MRPL42: variants seen among roughly 807,000 people sequenced by gnomAD.
MRPL42 encodes the protein mitochondrial ribosomal protein L42.
A neutral mutation model predicts 17.9 loss-of-function variants in MRPL42; 17 were observed. The observed-to-expected ratio is 0.95, with a 90% CI of 0.65 to 1.42. MRPL42 has a LOEUF of 1.42. MRPL42 is among the 40% of genes most tolerant of loss of function. The pLI is 0.00. For synonymous variants in MRPL42, 59 were observed against 54.4 expected (o/e 1.08, Z -0.37); for missense variants, 177 against 175.2 (o/e 1.01, Z -0.06).
intron 5 of MRPL42, among the ~76,000 whole-genome samples, chr12:93,499,876 T>C (rs1953559160): frequency 6.6e-6 from 1 of 152,184 alleles, no homozygotes; most frequent in South Asian, 2.1e-4. Flanking sequence ...GGTACATGTC[T>C]TACCATTTAT....
In MRPL42 at chr12:93,483,040, A is replaced by C. The variant is rs1417547562; in HGVS notation, c.219+3568A>C. On this transcript the variant is annotated intron_variant, in intron 4 of 5. Coordinates refer to ENST00000549982, the MANE Select transcript of MRPL42 (RefSeq NM_014050.4). ...CACCCAAATAGCTGGGATTACAGGC[A>C]CTCGTGACCACGCCTGGCTAATTTT... 2.0e-5 allele frequency among the ~76,000 whole-genome samples: 3 copies of C among 152,018 alleles called. No individual in the cohort carries two copies. In the South Asian group the frequency reaches 6.2e-4, roughly 32 times the overall value.
chr12:93,491,497 A>G (rs1306671706), intron 5 of MRPL42, among the ~76,000 whole-genome samples: 1 of 152,174 alleles, frequency 6.6e-6, no homozygotes, highest in African/African-American at 2.4e-5. Context: ...CCAAAGTGCT[A>G]TATGAGCTAT....
chr12:93,476,824 C>T (rs1880204924), intron 2 of MRPL42, 130 bp from the exon 3 acceptor site: 1 of 783,626 alleles, frequency 1.3e-6, no homozygotes, highest in African/African-American at 1.8e-5. Context: ...TGTTGAATCC[C>T]TAGCCCCTAG....
At chr12:93,495,111 T>A (rs558232692) in intron 5 of MRPL42, among the ~76,000 whole-genome samples, 1 of 152,302 alleles carries the variant, frequency 6.6e-6, no homozygotes, top group Admixed American at 6.5e-5. Flanking sequence ...AACAGGAACC[T>A]CTCTTGCTTT....
rs1479710716 is a variant in MRPL42, at chr12:93,502,799, T to G, written c.*1578T>G. On this transcript the variant is annotated 3_prime_UTR_variant, in exon 6 of 6. Transcript: ENST00000549982. ...AAATATGATTATGAAGATTTTCTTC[T>G]CTTCCGAGTACAAAGCTCTGCTAAA... The G allele has an allele frequency of 1.3e-5, 2 of 152,224 alleles. No individual in the cohort carries two copies. The highest frequency in any genetic ancestry group is 2.9e-5 in the Non-Finnish European group (2 of 68,040). The allele number at this position is 152,224 out of a possible 1,614,324, so 9.4% of individuals were successfully genotyped here.
At chr12:93,470,515 G>T in intron 2 of MRPL42, 1 of 1,289,902 alleles carries the variant, frequency 7.8e-7, no homozygotes. Context: ...GGTTTGTTAC[G>T]TGGATGTATT....
At chr12:93,469,880 AG>A (rs1879819656) in intron 2 of MRPL42, among the ~76,000 whole-genome samples, 1 of 152,182 alleles carries the variant, frequency 6.6e-6, no homozygotes. Context: ...TTATCTGTGT[AG>A]CCCACTCTTG....
At chr12:93,473,322 G>A (rs1314854104) in intron 2 of MRPL42, among the ~76,000 whole-genome samples, 6 of 150,462 alleles carry the variant, frequency 4.0e-5, no homozygotes, top group Admixed American at 1.3e-4. Context: ...GTGCAGTGGT[G>A]CAGTCTTGGC....
chr12:93,477,788 G>A (rs1880254505), intron 3 of MRPL42, among the ~76,000 whole-genome samples: 2 of 151,904 alleles, frequency 1.3e-5, no homozygotes, highest in South Asian at 4.2e-4. Flanking sequence ...TCAGCCTCCT[G>A]AGTAGCTGAG....
At chr12:93,496,256 G>A (rs1381329787) in intron 5 of MRPL42, among the ~76,000 whole-genome samples, 2 of 151,700 alleles carry the variant, frequency 1.3e-5, no homozygotes, top group African/African-American at 4.8e-5. Flanking sequence ...GCAGGGTTTC[G>A]CCATGTTGGC....
At chr12:93,473,352 C>G (rs1879995898) in intron 2 of MRPL42, among the ~76,000 whole-genome samples, 1 of 152,084 alleles carries the variant, frequency 6.6e-6, no homozygotes, top group Non-Finnish European at 1.5e-5. Flanking sequence ...CTTCGACCTC[C>G]CTGGGCTCAG....
At chr12:93,467,640 C>T (rs970235408) in intron 1 of MRPL42, 86 bp downstream of exon 1, 12 of 152,724 alleles carry the variant, frequency 7.9e-5, no homozygotes, top group Admixed American at 5.2e-4. Flanking sequence ...GTAGAGGTCT[C>T]CCGCCTGTCG....
In MRPL42 at chr12:93,508,735, C is replaced by G. The variant is rs1040309288; in HGVS notation, c.*7514C>G. 2.6e-5 allele frequency: 4 copies of G among 152,190 alleles called. No homozygotes were observed. The highest frequency in any genetic ancestry group is 7.2e-5 in the African/African-American group (3 of 41,424). The allele number at this position is 152,190 out of a possible 1,614,324, so 9.4% of individuals were successfully genotyped here. On this transcript the variant is annotated 3_prime_UTR_variant, in exon 6 of 6. Coordinates refer to ENST00000549982, the MANE Select transcript of MRPL42 (RefSeq NM_014050.4). Reference sequence around the variant, plus strand: ...GCATCCAAAGGAAATCCCTAACTTTCATTTTTTCTTCCCGTAAGCAGCCCC... The same window carrying G: ...GCATCCAAAGGAAATCCCTAACTTTGATTTTTTCTTCCCGTAAGCAGCCCC...
intron 2 of MRPL42, among the ~76,000 whole-genome samples, chr12:93,475,024 C>T (rs774090793): frequency 3.1e-4 from 47 of 151,874 alleles, no homozygotes; most frequent in Non-Finnish European, 5.3e-4. Context: ...ACATGGGAGG[C>T]GGAGGTTGCA....
intron 4 of MRPL42, among the ~76,000 whole-genome samples, chr12:93,480,572 C>T (rs1443323180): frequency 1.3e-5 from 2 of 149,828 alleles, no homozygotes; most frequent in Non-Finnish European, 3.0e-5. Context: ...GACTGAGTCT[C>T]ACTCTGTTGC....
chr12:93,516,113 A>G lies in MRPL42; in HGVS notation c.*14892A>G, dbSNP rs948996672. 6.6e-6 allele frequency: 1 copy of G among 152,142 alleles called. No individual in the cohort carries two copies. The highest frequency in any genetic ancestry group is 1.5e-5 in the Non-Finnish European group (1 of 68,026). 9.4% of individuals were successfully genotyped at this position (152,142 alleles called of 1,614,324 possible). On this transcript the variant is annotated 3_prime_UTR_variant, in exon 6 of 6. Transcript: ENST00000549982. ...ACCCTCTCCCAATCCCAAATTCTAT[A>G]CTAGGTTCTTCTAAACACTCTCATA... is the stretch of plus-strand genomic sequence containing the variant.
intron 2 of MRPL42, 130 bp from the exon 3 acceptor site, chr12:93,476,824 C>A: frequency 1.3e-6 from 1 of 783,626 alleles, no homozygotes; most frequent in Non-Finnish European, 2.2e-6. Context: ...TGTTGAATCC[C>A]TAGCCCCTAG....
At chr12:93,499,511 A>G (rs967177839) in intron 5 of MRPL42, among the ~76,000 whole-genome samples, 4 of 152,168 alleles carry the variant, frequency 2.6e-5, no homozygotes, top group African/African-American at 9.7e-5. Context: ...TAGAACCACT[A>G]TTCTGATGAC....
chr12:93,476,130 A>C (rs1367908264), intron 2 of MRPL42, among the ~76,000 whole-genome samples: 5 of 152,130 alleles, frequency 3.3e-5, no homozygotes, highest in Non-Finnish European at 7.4e-5. Flanking sequence ...ATATTTCATC[A>C]CTTCACCACC....
Sources: gnomAD v4.1 joint callset for allele counts (sites outside exome capture counted in the v4.1 genomes callset) on GRCh38, gnomAD v4.1.1 for gene constraint, MANE v1.5 for transcripts, NCBI Gene and HGNC (gene_info 2026-07-23, HGNC 2026-07-21) for gene names.